Variants in AFG2A observed in about 807,000 individuals in gnomAD.
AFG2A encodes the protein AAA ATPase AFG2A, also known as ATPase family gene 2 protein homolog A.
At chr4:123,255,019 A>G in the AFG2A span, among the ~76,000 whole-genome samples, 1 of 151,972 alleles carries the variant, frequency 6.6e-6, no homozygotes, top group African/African-American at 2.4e-5. Context: ...ACTGGAGTGC[A>G]GTAGTGCTAT....
At chr4:123,064,011 G>A in the AFG2A span, among the ~76,000 whole-genome samples, 4 of 152,206 alleles carry the variant, frequency 2.6e-5, no homozygotes, top group African/African-American at 9.6e-5. Flanking sequence ...CAAAAAAATC[G>A]TATATTTCGT....
chr4:123,307,309 T>C, the AFG2A span, among the ~76,000 whole-genome samples: 4 of 152,280 alleles, frequency 2.6e-5, no homozygotes, highest in South Asian at 8.3e-4. Flanking sequence ...CCCAGCTCCA[T>C]CTGCATTTTG....
At chr4:123,112,990 A>G in the AFG2A span, among the ~76,000 whole-genome samples, 1 of 152,220 alleles carries the variant, frequency 6.6e-6, no homozygotes, top group Non-Finnish European at 1.5e-5. Flanking sequence ...AATTTAATTA[A>G]TAGAGGTTAG....
the AFG2A span, among the ~76,000 whole-genome samples, chr4:123,001,405 A>G: frequency 1.2e-4 from 18 of 151,708 alleles, no homozygotes; most frequent in African/African-American, 4.1e-4. Context: ...TAGGGTGTCA[A>G]TTTTGGATCT....
chr4:123,287,879 T>G, the AFG2A span, among the ~76,000 whole-genome samples: 1 of 152,050 alleles, frequency 6.6e-6, no homozygotes, highest in Admixed American at 6.6e-5. Flanking sequence ...TGTAAAGACT[T>G]GAGGCGAGTG....
the AFG2A span, among the ~76,000 whole-genome samples, chr4:123,154,219 G>A: frequency 6.6e-6 from 1 of 151,516 alleles, no homozygotes; most frequent in Non-Finnish European, 1.5e-5. Flanking sequence ...ATAAAAATAA[G>A]GGAGCTTTTT....
chr4:123,124,615 T>C, the AFG2A span, among the ~76,000 whole-genome samples: 141 of 152,274 alleles, frequency 9.3e-4, 1 homozygote, highest in Non-Finnish European at 1.8e-3. Flanking sequence ...TGTGCACATG[T>C]ACCCTGGAAC....
chr4:123,176,114 G>A, the AFG2A span, among the ~76,000 whole-genome samples: 10 of 152,184 alleles, frequency 6.6e-5, no homozygotes, highest in African/African-American at 2.4e-4. Context: ...AGAATTGAGT[G>A]AAGCTAATGG....
chr4:123,089,348 A>T, the AFG2A span, among the ~76,000 whole-genome samples: 15 of 152,310 alleles, frequency 9.8e-5, no homozygotes, highest in African/African-American at 3.6e-4. Flanking sequence ...TTGGGTGTGT[A>T]TCTCCTTCTA....
chr4:123,194,161 A>G, the AFG2A span, among the ~76,000 whole-genome samples: 33 of 152,348 alleles, frequency 2.2e-4, no homozygotes, highest in Middle Eastern at 3.4e-3. Context: ...CTTACCGGCC[A>G]TAGGAAGCAG....
the AFG2A span, among the ~76,000 whole-genome samples, chr4:123,264,022 A>G: frequency 6.6e-6 from 1 of 152,220 alleles, no homozygotes; most frequent in Non-Finnish European, 1.5e-5. Context: ...ATGGAATACT[A>G]CTTAGCCATA....
the AFG2A span, among the ~76,000 whole-genome samples, chr4:123,233,655 CTT>C: frequency 2.7e-4 from 41 of 152,002 alleles, 1 homozygote; most frequent in African/African-American, 8.7e-4. Context: ...AGGAAGGCCT[CTT>C]TTATTTCTTT....
the AFG2A span, among the ~76,000 whole-genome samples, chr4:123,230,240 CTG>C: frequency 6.6e-5 from 10 of 151,972 alleles, no homozygotes; most frequent in African/African-American, 2.4e-4. Context: ...ACTTTTAAAA[CTG>C]GAGTCAATTC....
the AFG2A span, among the ~76,000 whole-genome samples, chr4:123,007,637 C>CATAT: frequency 4.2e-5 from 1 of 23,782 alleles, no homozygotes; most frequent in Non-Finnish European, 1.1e-4. Context: ...TATACACACA[C>CATAT]ACACAACACA....
the AFG2A span, among the ~76,000 whole-genome samples, chr4:123,119,205 A>G: frequency 6.6e-6 from 1 of 152,184 alleles, no homozygotes; most frequent in Non-Finnish European, 1.5e-5. Flanking sequence ...GAATTTTGGA[A>G]TCAGTATTTT....
the AFG2A span, among the ~76,000 whole-genome samples, chr4:123,114,153 C>T: frequency 6.6e-6 from 1 of 152,102 alleles, no homozygotes; most frequent in Non-Finnish European, 1.5e-5. Flanking sequence ...CTCTGCTCTG[C>T]TCTGGCTGAG....
At chr4:122,943,517 G>A in the AFG2A span, among the ~76,000 whole-genome samples, 1 of 151,906 alleles carries the variant, frequency 6.6e-6, no homozygotes, top group Admixed American at 6.5e-5. Context: ...TTTATTTTGA[G>A]CCTATGTGTG....
chr4:123,226,442 A>C, the AFG2A span, among the ~76,000 whole-genome samples: 1 of 152,182 alleles, frequency 6.6e-6, no homozygotes, highest in South Asian at 2.1e-4. Flanking sequence ...ATTTTGTCAA[A>C]GGCCTTTTCT....
At chr4:123,171,532 C>T in the AFG2A span, among the ~76,000 whole-genome samples, 9 of 152,086 alleles carry the variant, frequency 5.9e-5, no homozygotes, top group African/African-American at 1.7e-4. Context: ...TATACACACA[C>T]ACACATGAAA....
Sources: allele counts gnomAD v4.1 joint callset (sites outside exome capture counted in the v4.1 genomes callset), GRCh38; gene constraint gnomAD v4.1.1; transcripts MANE v1.5; gene names NCBI Gene and HGNC (gene_info 2026-07-23, HGNC 2026-07-21).